Variants in TRAPPC12 observed in about 807,000 individuals in gnomAD.
TRAPPC12 encodes trafficking protein particle complex subunit 12.
A neutral mutation model predicts 69.2 loss-of-function variants in TRAPPC12; 61 were observed. The observed-to-expected ratio is 0.88, with a 90% CI of 0.72 to 1.09. The LOEUF is 1.09. TRAPPC12 is among the 50% of genes least tolerant of loss of function. The pLI is 0.00. For missense variants in TRAPPC12, 1,101 were observed against 1,016.4 expected, an observed-to-expected ratio of 1.08 and a Z score of -1.13; for synonymous variants, 469 against 438.9, an observed-to-expected ratio of 1.07 and a Z score of -0.86.
chr2:3,478,995 A>G (rs988859358), intron 11 of TRAPPC12, 62 bp downstream of exon 11: 9 of 1,547,894 alleles, frequency 5.8e-6, no homozygotes, highest in South Asian at 4.5e-5. Flanking sequence ...AGAAACATAC[A>G]CCCACACACG....
intron 3 of TRAPPC12, among the ~76,000 whole-genome samples, chr2:3,406,716 C>T (rs1661753493): frequency 6.6e-6 from 1 of 152,222 alleles, no homozygotes; most frequent in South Asian, 2.1e-4. Flanking sequence ...CATGGGGAAG[C>T]TGCTGTGATG....
chr2:3,402,397 C>T (rs1046363999), intron 3 of TRAPPC12, among the ~76,000 whole-genome samples: 1 of 152,064 alleles, frequency 6.6e-6, no homozygotes, highest in Admixed American at 6.5e-5. Flanking sequence ...CAAGACCAGC[C>T]TGGCCAACAT....
rs115741282 is a variant in TRAPPC12 at position 3,395,283 on chromosome 2, G to A, written c.1048-6494G>A. Among the ~76,000 whole-genome samples the A allele has an allele frequency of 3.1e-3, 467 of 152,274 alleles. 4 individuals are homozygous for A. The highest frequency in any genetic ancestry group is 0.011 in the African/African-American group (438 of 41,546). ...TAATCCTTTGATATGTAGACGGTTTGTATATCTTTATAGAGCATCTCTTCA... is the reference window on the plus strand; with the variant it reads ...TAATCCTTTGATATGTAGACGGTTTATATATCTTTATAGAGCATCTCTTCA... On this transcript the variant is annotated intron_variant, in intron 2 of 11. Transcript: ENST00000324266.
chr2:3,397,886 C>G (rs1050622145), intron 2 of TRAPPC12, among the ~76,000 whole-genome samples: 5 of 152,158 alleles, frequency 3.3e-5, no homozygotes, highest in Admixed American at 6.5e-5. Context: ...TGTCCCAAAC[C>G]CTGCTTGGGA....
At chr2:3,399,806 G>A (rs930235880) in intron 2 of TRAPPC12, among the ~76,000 whole-genome samples, 6 of 138,694 alleles carry the variant, frequency 4.3e-5, no homozygotes, top group East Asian at 2.2e-4. Flanking sequence ...TCTTTCCCCC[G>A]CTCCCCCCGC....
At chr2:3,426,076 T>G (rs1317288170) in intron 5 of TRAPPC12, among the ~76,000 whole-genome samples, 1 of 152,240 alleles carries the variant, frequency 6.6e-6, no homozygotes, top group Non-Finnish European at 1.5e-5. Flanking sequence ...TGGTCCATAT[T>G]ACTCTGAGTT....
rs112093782 is a variant in TRAPPC12 at position 3,414,918 on chromosome 2, C to G, written c.1165-6963C>G. 7.7e-3 allele frequency among the ~76,000 whole-genome samples: 1,177 copies of G among 152,302 alleles called. 21 individuals are homozygous for G. The highest frequency in any genetic ancestry group is 0.026 in the African/African-American group (1,097 of 41,572). On this transcript the variant is annotated intron_variant, in intron 3 of 11. Coordinates refer to ENST00000324266, the MANE Select transcript of TRAPPC12 (RefSeq NM_016030.6). The surrounding 1 kb of genome is among the most constrained non-coding windows in gnomAD (Gnocchi z 4.9). ...TTCCGCATCCACAGATTCCACCACC[C>G]GCAGTTGGGAAACACAGTGAGGTAT... is the stretch of plus-strand genomic sequence containing the variant.
At chr2:3,463,064 C>A (rs990264748) in intron 8 of TRAPPC12, 2 of 426,948 alleles carry the variant, frequency 4.7e-6, no homozygotes, top group Non-Finnish European at 1.0e-5. Context: ...ATAGACTTGT[C>A]CCTGGAAGTA....
chr2:3,456,322 G>C (rs2103130353), intron 6 of TRAPPC12: 1 of 152,306 alleles, frequency 6.6e-6, no homozygotes, highest in Non-Finnish European at 1.5e-5. Flanking sequence ...TCACCTCCTG[G>C]GGTGGGCCGT....
At chr2:3,457,784 C>T in intron 7 of TRAPPC12, 91 bp downstream of exon 7, 1 of 1,550,232 alleles carries the variant, frequency 6.5e-7, no homozygotes, top group Non-Finnish European at 8.6e-7. Context: ...CTTCTCCTTT[C>T]CTTTCTGTAG....
At chr2:3,425,997 G>A (rs2103063500) in intron 5 of TRAPPC12, among the ~76,000 whole-genome samples, 1 of 152,190 alleles carries the variant, frequency 6.6e-6, no homozygotes, top group African/African-American at 2.4e-5. Context: ...TGTAGACGCC[G>A]GCTTTCTTTA....
At chr2:3,444,441 CACTA>C (rs1370614774) in intron 6 of TRAPPC12, among the ~76,000 whole-genome samples, 7 of 152,252 alleles carry the variant, frequency 4.6e-5, no homozygotes, top group Admixed American at 4.6e-4. Flanking sequence ...CACGTTATTA[CACTA>C]ACTGACATTG....
At chr2:3,384,545 C>T (rs555950707) in intron 1 of TRAPPC12, among the ~76,000 whole-genome samples, 1 of 152,176 alleles carries the variant, frequency 6.6e-6, no homozygotes, top group Non-Finnish European at 1.5e-5. Flanking sequence ...TTATTAGATA[C>T]TTTCTTGTGC....
intron 5 of TRAPPC12, among the ~76,000 whole-genome samples, chr2:3,426,699 C>G (rs1223870751): frequency 6.6e-6 from 1 of 152,220 alleles, no homozygotes; most frequent in African/African-American, 2.4e-5. Context: ...TCTTCTCCTG[C>G]ACTCCAGCCT....
chr2:3,415,640 G>C (rs565315420), intron 3 of TRAPPC12, among the ~76,000 whole-genome samples: 21 of 151,794 alleles, frequency 1.4e-4, no homozygotes, highest in African/African-American at 3.9e-4. Flanking sequence ...CTGATCCCAG[G>C]TGATCCACCC....
chr2:3,421,608 C>T, intron 3 of TRAPPC12: 1 of 668,806 alleles, frequency 1.5e-6, no homozygotes, highest in Admixed American at 2.1e-5. Context: ...TCCCGATGTT[C>T]TATCGGTTGT....
chr2:3,477,861 T>C, intron 10 of TRAPPC12, 66 bp downstream of exon 10: 1 of 1,155,464 alleles, frequency 8.7e-7, no homozygotes, highest in East Asian at 2.6e-5. Flanking sequence ...CCCCACTTAC[T>C]GAGTTGGAAA....
At chr2:3,471,922 G>T (rs1315923161) in intron 9 of TRAPPC12, among the ~76,000 whole-genome samples, 6 of 152,120 alleles carry the variant, frequency 3.9e-5, no homozygotes, top group Non-Finnish European at 8.8e-5. Flanking sequence ...GCCTGTGCTT[G>T]GCATTGGGGC....
chr2:3,460,251 C>T lies in TRAPPC12; in HGVS notation c.1604-12C>T, dbSNP rs1558401141. On this transcript the variant is annotated splice_polypyrimidine_tract_variant and intron_variant, in intron 7 of 11. Coordinates refer to ENST00000324266, the MANE Select transcript of TRAPPC12 (RefSeq NM_016030.6). ...TTTATTTGTGCACTTACAGGCTGCT[C>T]TTACCTTGTAGCCTCTATCCGGCTG... 2.3e-6 allele frequency: 2 copies of T among 873,078 alleles called. No individual in the cohort carries two copies. Among genetic ancestry groups the T allele is most frequent in the South Asian group, 1.3e-5 (1 of 76,558 alleles). The allele number at this position is 873,078 out of a possible 1,614,324, so 54.1% of individuals were successfully genotyped here. A position where few individuals can be genotyped will look rare whatever the true frequency, so the allele number is the denominator to read the frequency against.
Sources: gnomAD v4.1 joint callset for allele counts (sites outside exome capture counted in the v4.1 genomes callset) on GRCh38, gnomAD v4.1.1 for gene constraint, Gnocchi (gnomAD v3.1) non-coding constraint, MANE v1.5 for transcripts, NCBI Gene and HGNC (gene_info 2026-07-23, HGNC 2026-07-21) for gene names.